MROH2A: variants seen among roughly 807,000 people sequenced by gnomAD.
The protein encoded by MROH2A is maestro heat-like repeat-containing protein family member 2A.
In MROH2A, 174 loss-of-function variants were observed where a neutral mutation model predicts 200.4. That is an observed-to-expected ratio of 0.87 (90% CI 0.77 to 0.98). The LOEUF (loss-of-function observed/expected upper bound fraction) is 0.98. Among genes scored for constraint, MROH2A ranks in the 50% least tolerant of loss-of-function variants. The probability of loss-of-function intolerance (pLI) is 0.00; values close to 1 mark genes in which losing one functional copy is unlikely to be tolerated. For synonymous variants in MROH2A, 829 were observed against 840.4 expected, an observed-to-expected ratio of 0.99 and a Z score of 0.23; for missense variants, 2,045 against 2,139.6, an observed-to-expected ratio of 0.96 and a Z score of 0.87.
chr2:233,807,517 A>G lies in MROH2A; in HGVS notation c.2147A>G (p.Asp716Gly), dbSNP rs756052406. Residue 716 changes from aspartate (D) to glycine (G), a missense_variant, in exon 20 of 42, where the codon GAC becomes GGC. Asp to Gly is a moderately conservative substitution (Grantham distance 94). This residue lies in a region of MROH2A where 1,201 missense variants were observed against 1,311.3 expected (regional missense o/e 0.92). Coordinates refer to ENST00000389758, the MANE Select transcript of MROH2A (RefSeq NM_001394639.1). This position sits in a 1 kb window ranked among gnomAD's most constrained non-coding sequence, Gnocchi z 4.3. Reference protein sequence around the residue: ...VLLLELLYKTDYSNDFDSEGV... With the variant: ...VLLLELLYKTGYSNDFDSEGV... ...CTGTTGGAGCTGCTGTACAAGACGG[A>G]CTACAGCAATGACTTTGACAGCGAG... 24 of 1,550,610 alleles carry G rather than the reference A, an allele frequency of 1.5e-5. No individual in the cohort carries two copies. In the South Asian group the frequency reaches 2.6e-4, roughly 17 times the overall value.
chr2:233,793,952 T>C (rs1701947974), intron 7 of MROH2A, 128 bp downstream of exon 7: 2 of 957,416 alleles, frequency 2.1e-6, no homozygotes, highest in Non-Finnish European at 2.9e-6. Context: ...GGCAGTGACC[T>C]GACTCATGGC....
At chr2:233,822,781 C>T in intron 33 of MROH2A, 100 bp from the exon 34 acceptor site, 5 of 1,430,700 alleles carry the variant, frequency 3.5e-6, no homozygotes, top group Admixed American at 2.1e-5. Flanking sequence ...TTGGGCTGGG[C>T]CCGGCAGGCA....
intron 3 of MROH2A, among the ~76,000 whole-genome samples, chr2:233,785,996 T>C (rs946821171): frequency 2.6e-5 from 4 of 152,204 alleles, no homozygotes; most frequent in Non-Finnish European, 5.9e-5. Flanking sequence ...TTCCCACATG[T>C]TGTGGGACGG....
intron 38 of MROH2A, among the ~76,000 whole-genome samples, chr2:233,831,164 T>G (rs2361507): frequency 0.22 from 33,390 of 152,102 alleles, 7,418 homozygotes; most frequent in African/African-American, 0.57. Context: ...GGCACGAAGG[T>G]GCTGGCTGAG....
chr2:233,830,972 G>A (rs962984090), intron 38 of MROH2A, among the ~76,000 whole-genome samples: 1 of 152,240 alleles, frequency 6.6e-6, no homozygotes, highest in Non-Finnish European at 1.5e-5. Flanking sequence ...GGGCTACCGA[G>A]ACAGAAGCAT....
Position 233,818,045 on chromosome 2 carries a change from T to C in MROH2A, c.3005T>C (p.Ile1002Thr). 6.4e-7 allele frequency: 1 copy of C among 1,551,022 alleles called. No homozygotes were observed. Among genetic ancestry groups the C allele is most frequent in the Non-Finnish European group, 8.7e-7 (1 of 1,147,080 alleles). The change falls in exon 28 of 42, where the codon ATT becomes ACT. Residue 1002 changes from isoleucine to threonine, a missense_variant. Ile to Thr is a moderately conservative substitution (Grantham distance 89, BLOSUM62 -1). This residue lies in a region of MROH2A where 1,201 missense variants were observed against 1,311.3 expected (regional missense o/e 0.92). Coordinates refer to ENST00000389758, the MANE Select transcript of MROH2A (RefSeq NM_001394639.1). ...CAGTTTGGCACAATGGTCGGACTCATTGCCCCGTGCACCTGTGATGCCCAT... is the reference window on the plus strand; with the variant it reads ...CAGTTTGGCACAATGGTCGGACTCACTGCCCCGTGCACCTGTGATGCCCAT... ...LGQFGTMVGLIAPCTCDAHQR... is the reference protein window; with the variant it reads ...LGQFGTMVGLTAPCTCDAHQR...
chr2:233,788,976 C>T (rs1417865510), intron 3 of MROH2A, among the ~76,000 whole-genome samples: 1 of 128,382 alleles, frequency 7.8e-6, no homozygotes, highest in Non-Finnish European at 1.6e-5. Context: ...AAAAGAGTAA[C>T]TTGTCATGCC....
intron 27 of MROH2A, 25 bp downstream of exon 27, chr2:233,816,910 C>G (rs186342746): frequency 3.6e-6 from 5 of 1,375,492 alleles, no homozygotes; most frequent in Admixed American, 2.0e-5. Context: ...CCCCAGCCCC[C>G]AGCCTGCTGC....
At chr2:233,788,938 CAAAAAAA>C (rs56084976) in intron 3 of MROH2A, among the ~76,000 whole-genome samples, 3 of 47,466 alleles carry the variant, frequency 6.3e-5, no homozygotes, top group Non-Finnish European at 1.1e-4. Context: ...GACTCCGTCT[CAAAAAAA>C]AAAAAAAAAA....
intron 35 of MROH2A, among the ~76,000 whole-genome samples, chr2:233,824,082 C>G (rs1440479194): frequency 6.6e-6 from 1 of 152,140 alleles, no homozygotes. Context: ...CCCAATGCAC[C>G]CTAGGAACCA....
At chr2:233,788,938 CAAAAAAAAAAAAAAAAAAA>C (rs56084976) in intron 3 of MROH2A, among the ~76,000 whole-genome samples, 3 of 47,486 alleles carry the variant, frequency 6.3e-5, no homozygotes, top group East Asian at 6.2e-4. Flanking sequence ...GACTCCGTCT[CAAAAAAAAAAAAAAAAAAA>C]AAAAAAAAAA....
chr2:233,817,239 C>T (rs1301075996), intron 27 of MROH2A, among the ~76,000 whole-genome samples: 3 of 152,172 alleles, frequency 2.0e-5, no homozygotes, highest in Non-Finnish European at 4.4e-5. Flanking sequence ...TGACAAGTAC[C>T]GCAACCCTTA....
chr2:233,818,855 GGC>G (rs1228526301), intron 29 of MROH2A, 85 bp downstream of exon 29: 7 of 842,710 alleles, frequency 8.3e-6, no homozygotes, highest in Non-Finnish European at 1.3e-5. Context: ...TTCCTGGGCT[GGC>G]CTCACAGCCC....
intron 9 of MROH2A, 82 bp downstream of exon 9, chr2:233,795,827 A>G (rs1702068933): frequency 1.3e-6 from 2 of 1,548,798 alleles, no homozygotes; most frequent in East Asian, 2.4e-5. Flanking sequence ...GGCCTGGCCC[A>G]CAACTCACTC....
chr2:233,802,305 G>C lies in MROH2A; in HGVS notation c.1698G>C (p.Lys566Asn). Reference protein sequence around the residue: ...GQDVDVSVAGKSRQVDLPAPQ... With the variant: ...GQDVDVSVAGNSRQVDLPAPQ... ...ATGTGGATGTCAGCGTGGCTGGCAA[G>C]AGCAGGCAAGGTGGGCAAAGTTCCT... Residue 566 changes from lysine to asparagine, a missense_variant, in exon 15 of 42, where the codon AAG becomes AAC. This residue lies in a region of MROH2A where 831 missense variants were observed against 800.0 expected (regional missense o/e 1.04). Coordinates refer to ENST00000389758, the MANE Select transcript of MROH2A (RefSeq NM_001394639.1). 6.5e-7 allele frequency: 1 copy of C among 1,549,862 alleles called. No individual in the cohort carries two copies. The highest frequency in any genetic ancestry group is 8.7e-7 in the Non-Finnish European group (1 of 1,146,598).
chr2:233,820,124 A>C lies in MROH2A; in HGVS notation c.3512+68A>C. The C allele has an allele frequency of 7.3e-7, 1 of 1,378,400 alleles. No homozygotes were observed. The highest frequency in any genetic ancestry group is 9.6e-7 in the Non-Finnish European group (1 of 1,038,264). 85.4% of individuals were successfully genotyped at this position (1,378,400 alleles called of 1,614,324 possible). A position where few individuals can be genotyped will look rare whatever the true frequency, so the allele number is the denominator to read the frequency against. ...TGACCATGCCCAACTCACCACCCCG[A>C]TGTGTCCCAGAAGCCTGGAGCCTTG... On this transcript the variant is annotated intron_variant, in intron 31 of 41. Transcript: ENST00000389758. This position sits in a 1 kb window ranked among gnomAD's most constrained non-coding sequence, Gnocchi z 4.1.
intron 6 of MROH2A, among the ~76,000 whole-genome samples, chr2:233,793,163 A>C (rs1314261832): frequency 6.6e-6 from 1 of 152,228 alleles, no homozygotes; most frequent in East Asian, 1.9e-4. Context: ...TTTGTAATTA[A>C]GCACTTCAGT....
At chr2:233,821,855 G>T (rs960316458) in intron 31 of MROH2A, among the ~76,000 whole-genome samples, 2 of 152,178 alleles carry the variant, frequency 1.3e-5, no homozygotes, top group African/African-American at 4.8e-5. Context: ...GGGGGTCTCT[G>T]TGGTCATCTA....
At chr2:233,798,676 T>G in intron 11 of MROH2A, 98 bp from the exon 12 acceptor site, 1 of 817,100 alleles carries the variant, frequency 1.2e-6, no homozygotes, top group Non-Finnish European at 2.1e-6. Flanking sequence ...GCTTGGAGAA[T>G]GTGGGAGGAG....
Sources: gnomAD v4.1 joint callset for allele counts (sites outside exome capture counted in the v4.1 genomes callset) on GRCh38, gnomAD v4.1.1 for gene constraint, gnomAD v4.1.1 regional missense constraint, Gnocchi (gnomAD v3.1) non-coding constraint, MANE v1.5 for transcripts, NCBI Gene and HGNC (gene_info 2026-07-23, HGNC 2026-07-21) for gene names.